NDRG4: variants seen among roughly 807,000 people sequenced by gnomAD.
NDRG4 encodes the protein NDRG family member 4.
NDRG4 carries 38 observed loss-of-function variants against 55.8 expected under a neutral mutation model. The ratio of observed to expected loss-of-function variants is 0.68; its 90% CI spans 0.53 to 0.89. The LOEUF is 0.89. Among genes scored for constraint, NDRG4 ranks in the 40% least tolerant of loss-of-function variants. The pLI, the probability that NDRG4 is intolerant of heterozygous loss-of-function variation, is 0.00. For missense variants in NDRG4, 455 were observed against 468.6 expected, an observed-to-expected ratio of 0.97 and a Z score of 0.27; for synonymous variants, 190 against 182.7, an observed-to-expected ratio of 1.04 and a Z score of -0.32.
chr16:58,489,161 G>A (rs1400171039), intron 2 of NDRG4, among the ~76,000 whole-genome samples: 6 of 152,138 alleles, frequency 3.9e-5, no homozygotes, highest in East Asian at 1.9e-4. Context: ...TAGCCCGGGC[G>A]TGGTAGTGGG....
intron 10 of NDRG4, 40 bp from the exon 11 acceptor site, chr16:58,508,922 G>C: frequency 6.2e-7 from 1 of 1,607,664 alleles, no homozygotes; most frequent in Non-Finnish European, 8.5e-7. Context: ...GGGGTGGGGA[G>C]GGGCAGGGGC....
Position 58,511,983 on chromosome 16 carries a change from C to T in NDRG4, c.*407C>T, listed in dbSNP as rs917268135. 2.2e-6 allele frequency: 1 copy of T among 461,052 alleles called. No individual in the cohort carries two copies. Among genetic ancestry groups the T allele is most frequent in the Non-Finnish European group, 4.3e-6 (1 of 230,626 alleles). 28.6% of individuals were successfully genotyped at this position (461,052 alleles called of 1,614,324 possible). A position where few individuals can be genotyped will look rare whatever the true frequency, so the allele number is the denominator to read the frequency against. ...GGTGCGGGGCCAGCTCAGGCACTGGCGTGGGAGCCCTGGGAGACCCCTTCC... is the reference window on the plus strand; with the variant it reads ...GGTGCGGGGCCAGCTCAGGCACTGGTGTGGGAGCCCTGGGAGACCCCTTCC... On this transcript the variant is annotated 3_prime_UTR_variant, in exon 15 of 15. Transcript: ENST00000570248.
rs985925038 is a variant in NDRG4, at chr16:58,507,667, G to T, written c.621-141G>T. 3 of 797,610 alleles carry T rather than the reference G, an allele frequency of 3.8e-6. No individual in the cohort carries two copies. The African/African-American group carries it at 5.1e-5, about 14-fold the overall frequency. The allele number at this position is 797,610 out of a possible 1,614,324, so 49.4% of individuals were successfully genotyped here. ...TATGTGCTAGGGAGTCCAAAAAGCC[G>T]TGACAGGGAGCCTCCAGTTCATTTA... On this transcript the variant is annotated intron_variant, in intron 8 of 14. Transcript: ENST00000570248.
At chr16:58,504,046 G>A (rs1597296402) in intron 2 of NDRG4, 108 bp from the exon 3 acceptor site, 38 of 1,582,910 alleles carry the variant, frequency 2.4e-5, no homozygotes, top group Non-Finnish European at 2.8e-5. Flanking sequence ...CCATTTCCCC[G>A]ACGGACCCGA....
At chr16:58,507,774 C>T in intron 8 of NDRG4, 34 bp from the exon 9 acceptor site, 2 of 1,608,206 alleles carry the variant, frequency 1.2e-6, no homozygotes, top group Non-Finnish European at 1.7e-6. Flanking sequence ...CTGGGGTGCC[C>T]ACCTCTGCCT....
At chr16:58,508,660 C>T (rs1390548890) in intron 10 of NDRG4, among the ~76,000 whole-genome samples, 1 of 152,212 alleles carries the variant, frequency 6.6e-6, no homozygotes, top group African/African-American at 2.4e-5. Flanking sequence ...GCCGAGGGCA[C>T]TGGGGCTTTC....
At chr16:58,477,073 G>C (rs954958399) in intron 1 of NDRG4, among the ~76,000 whole-genome samples, 1 of 151,496 alleles carries the variant, frequency 6.6e-6, no homozygotes, top group African/African-American at 2.4e-5. Flanking sequence ...CTGTGGTGTT[G>C]AATTAGAGTT....
chr16:58,498,693 T>G (rs539342943), upstream of NDRG4, among the ~76,000 whole-genome samples: 175 of 152,228 alleles, frequency 1.1e-3, 1 homozygote, highest in African/African-American at 4.0e-3. Context: ...TAGGGCTATC[T>G]CAGGCTCTGT....
chr16:58,503,642 G>C (rs2037450186), intron 1 of NDRG4, 156 bp from the exon 2 acceptor site: 1 of 1,451,624 alleles, frequency 6.9e-7, no homozygotes, highest in African/African-American at 1.4e-5. Context: ...CATCCATTCA[G>C]TCCTCTCTGG....
chr16:58,501,779 G>A (rs1445499742), intron 1 of NDRG4: 5 of 343,952 alleles, frequency 1.5e-5, no homozygotes, highest in Non-Finnish European at 2.9e-5. Context: ...GGGGACAGGG[G>A]CGGCCACACC....
chr16:58,478,409 A>C (rs78278271), intron 1 of NDRG4, among the ~76,000 whole-genome samples: 5 of 150,846 alleles, frequency 3.3e-5, no homozygotes, highest in African/African-American at 1.2e-4. Flanking sequence ...AAAAGTGTCA[A>C]GGTTATAAAA....
In NDRG4 at chr16:58,509,011, T is replaced by C; in HGVS notation, c.777+2T>C. 6.2e-7 allele frequency: 1 copy of C among 1,614,084 alleles called. No homozygotes were observed. The highest frequency in any genetic ancestry group is 1.6e-4 in the Middle Eastern group (1 of 6,062). On this transcript the variant is annotated splice_donor_variant, in intron 11 of 14. Coordinates refer to ENST00000570248, the MANE Select transcript of NDRG4 (RefSeq NM_001242835.2). LOFTEE classifies it high-confidence loss of function. ...CCGACCACTACGACCTTCCTGAAGG[T>C]GAGGCTTTCTTCCCCAGCCCTGGGC...
chr16:58,464,901 G>A lies in NDRG4; in HGVS notation c.-24+1104G>A. 1 of 1,171,378 alleles carries A rather than the reference G, an allele frequency of 8.5e-7. No individual in the cohort carries two copies. Among genetic ancestry groups the A allele is most frequent in the South Asian group, 1.7e-5 (1 of 59,248 alleles). The allele number at this position is 1,171,378 out of a possible 1,614,324, so 72.6% of individuals were successfully genotyped here. ...TCTCTGGGGGAGAAGTTTCTTGCTG[G>A]GAGTGGAGGCGACGCCAAGTGGCCT... On this transcript the variant is annotated intron_variant, in intron 1 of 15. Coordinates refer to the NDRG4 transcript ENST00000258187. This position sits in a 1 kb window ranked among gnomAD's most constrained non-coding sequence, Gnocchi z 4.8.
At chr16:58,510,932 G>A in intron 14 of NDRG4, 1 of 581,602 alleles carries the variant, frequency 1.7e-6, no homozygotes, top group Non-Finnish European at 3.1e-6. Flanking sequence ...TCTGGGGATA[G>A]GAAACAGACC....
intron 1 of NDRG4, chr16:58,501,857 G>A (rs2037174937): frequency 5.0e-6 from 2 of 403,632 alleles, no homozygotes; most frequent in African/African-American, 2.0e-5. Context: ...CCCCTCAGGC[G>A]GACCCGCACG....
chr16:58,510,632 T>C lies in NDRG4; in HGVS notation c.866-13T>C. ...CATCCCCGCCCCCTCTCCGGCTCTGTCTTCTCTCTTAGTTGCGTACTTGAA... is the reference window on the plus strand; with the variant it reads ...CATCCCCGCCCCCTCTCCGGCTCTGCCTTCTCTCTTAGTTGCGTACTTGAA... On this transcript the variant is annotated splice_polypyrimidine_tract_variant and intron_variant, in intron 13 of 14. Coordinates refer to ENST00000570248, the MANE Select transcript of NDRG4 (RefSeq NM_001242835.2). The C allele has an allele frequency of 6.5e-7, 1 of 1,534,966 alleles. No homozygotes were observed. Among genetic ancestry groups the C allele is most frequent in the Non-Finnish European group, 8.7e-7 (1 of 1,146,134 alleles).
chr16:58,503,802 A>G lies in NDRG4; in HGVS notation c.26A>G (p.His9Arg). Residue 9 changes from histidine (H) to arginine (R), a missense_variant, in exon 2 of 15, where the codon CAT becomes CGT. Physicochemically the swap from His to Arg is conservative, Grantham distance 29 (BLOSUM62 0). Coordinates refer to ENST00000570248, the MANE Select transcript of NDRG4 (RefSeq NM_001242835.2). MPECWDGE[H>R]DIETPYGLLH... is the part of the protein sequence containing the mutation. Reference sequence around the variant, plus strand: ...AGCACGGTCTCTCCCCTTCAGGAACATGACATCGAGACACCCTACGGCCTT... The same window carrying G: ...AGCACGGTCTCTCCCCTTCAGGAACGTGACATCGAGACACCCTACGGCCTT... 7 of 1,613,924 alleles carry G rather than the reference A, an allele frequency of 4.3e-6. No homozygotes were observed. Among genetic ancestry groups the G allele is most frequent in the Non-Finnish European group, 5.9e-6 (7 of 1,179,978 alleles).
chr16:58,476,611 A>G (rs943605088), intron 1 of NDRG4, among the ~76,000 whole-genome samples: 2 of 152,148 alleles, frequency 1.3e-5, no homozygotes. Context: ...CTGCCATCAC[A>G]TGAACATCAG....
intron 1 of NDRG4, among the ~76,000 whole-genome samples, chr16:58,468,863 T>C (rs2032245362): frequency 1.3e-5 from 2 of 152,114 alleles, no homozygotes; most frequent in Non-Finnish European, 2.9e-5. Flanking sequence ...TTTAGTGTGA[T>C]ATGTGAAAGT....
Sources: allele counts gnomAD v4.1 joint callset (sites outside exome capture counted in the v4.1 genomes callset), GRCh38; gene constraint gnomAD v4.1.1; non-coding constraint Gnocchi (gnomAD v3.1); transcripts MANE v1.5; gene names NCBI Gene and HGNC (gene_info 2026-07-23, HGNC 2026-07-21).